ROBO1: variants seen among roughly 807,000 people sequenced by gnomAD.
ROBO1 encodes the protein roundabout homolog 1.
A neutral mutation model predicts 195.9 loss-of-function variants in ROBO1; 149 were observed. The ratio of observed to expected loss-of-function variants is 0.76; its 90% confidence interval spans 0.67 to 0.87. ROBO1 has a LOEUF of 0.87. ROBO1 is among the 40% of genes least tolerant of loss of function. ROBO1 has a pLI of 0.00. For missense variants in ROBO1, 1,933 were observed against 2,068.3 expected, an observed-to-expected ratio of 0.93 and a Z score of 1.27; for synonymous variants, 816 against 733.2, an observed-to-expected ratio of 1.11 and a Z score of -1.82.
chr3:79,120,783 T>C (rs2080102495), intron 3 of ROBO1, among the ~76,000 whole-genome samples: 1 of 152,112 alleles, frequency 6.6e-6, no homozygotes, highest in African/African-American at 2.4e-5. Flanking sequence ...AAAGGAAAGG[T>C]ACTTACAGTG....
intron 2 of ROBO1, among the ~76,000 whole-genome samples, chr3:79,190,826 C>G (rs1370996593): frequency 1.3e-5 from 2 of 151,526 alleles, no homozygotes; most frequent in Non-Finnish European, 3.0e-5. Flanking sequence ...TTCAATAATA[C>G]CATTGTTTCT....
At chr3:79,723,780 G>A (rs1052894198) in intron 1 of ROBO1, among the ~76,000 whole-genome samples, 1 of 141,646 alleles carries the variant, frequency 7.1e-6, no homozygotes, top group African/African-American at 2.6e-5. Flanking sequence ...AACTTAAAAA[G>A]TAATTTTAAG....
At chr3:79,203,543 A>C (rs759807290) in intron 2 of ROBO1, among the ~76,000 whole-genome samples, 2 of 152,170 alleles carry the variant, frequency 1.3e-5, no homozygotes, top group Non-Finnish European at 2.9e-5. Flanking sequence ...TCGGAAAGGG[A>C]TACTGAACTT....
At chr3:78,802,682 T>C (rs2084404624) in intron 4 of ROBO1, among the ~76,000 whole-genome samples, 1 of 151,494 alleles carries the variant, frequency 6.6e-6, no homozygotes, top group Non-Finnish European at 1.5e-5. Flanking sequence ...CTGGAGAGAA[T>C]GCTATAGAAG....
intron 2 of ROBO1, among the ~76,000 whole-genome samples, chr3:79,428,305 A>C (rs1350560539): frequency 6.6e-6 from 1 of 150,994 alleles, no homozygotes; most frequent in African/African-American, 2.5e-5. Context: ...AATATTAATA[A>C]AATGTATAAA....
intron 2 of ROBO1, among the ~76,000 whole-genome samples, chr3:79,416,378 A>G (rs1224151477): frequency 6.6e-6 from 1 of 151,426 alleles, no homozygotes; most frequent in Non-Finnish European, 1.5e-5. Context: ...CTGAGGCAAG[A>G]GGATAGCTTG....
chr3:78,874,490 T>C (rs2035724520), intron 4 of ROBO1, among the ~76,000 whole-genome samples: 1 of 151,880 alleles, frequency 6.6e-6, no homozygotes, highest in Non-Finnish European at 1.5e-5. Context: ...ACCGTAATAA[T>C]ACATATATTA....
At chr3:78,628,536 T>A (rs1249178504) in intron 25 of ROBO1, among the ~76,000 whole-genome samples, 1 of 152,210 alleles carries the variant, frequency 6.6e-6, no homozygotes, top group Non-Finnish European at 1.5e-5. Context: ...AGGGCGTATG[T>A]TTATCGATTA....
intron 3 of ROBO1, among the ~76,000 whole-genome samples, chr3:79,086,650 G>A (rs2079376457): frequency 6.6e-6 from 1 of 152,078 alleles, no homozygotes. Flanking sequence ...GAAATGCAGC[G>A]ATATTTTCCC....
At chr3:78,799,274 ATATTCAAGCT>A (rs1010552520) in intron 4 of ROBO1, among the ~76,000 whole-genome samples, 5 of 151,800 alleles carry the variant, frequency 3.3e-5, no homozygotes, top group African/African-American at 1.2e-4. Context: ...GCCTGCTTTT[ATATTCAAGCT>A]TATGTCCTAC....
At chr3:79,150,456 A>G (rs2080744887) in intron 2 of ROBO1, among the ~76,000 whole-genome samples, 1 of 151,740 alleles carries the variant, frequency 6.6e-6, no homozygotes, top group Non-Finnish European at 1.5e-5. Flanking sequence ...CATGTAATAA[A>G]TGCCATTGGA....
chr3:79,416,374 C>A (rs2038001006), intron 2 of ROBO1, among the ~76,000 whole-genome samples: 1 of 150,218 alleles, frequency 6.7e-6, no homozygotes, highest in Non-Finnish European at 1.5e-5. Flanking sequence ...GAGGCTGAGG[C>A]AAGAGGATAG....
chr3:79,716,686 G>T (rs532552222), intron 1 of ROBO1, among the ~76,000 whole-genome samples: 28 of 151,886 alleles, frequency 1.8e-4, no homozygotes, highest in Non-Finnish European at 4.0e-4. Flanking sequence ...AACTATGTTG[G>T]TCCTCAGCCA....
At chr3:78,877,455 T>C (rs192078706) in intron 4 of ROBO1, among the ~76,000 whole-genome samples, 79 of 151,510 alleles carry the variant, frequency 5.2e-4, no homozygotes, top group African/African-American at 1.8e-3. Context: ...ATAAATCTAA[T>C]TGAATGAAAA....
chr3:78,657,038 G>C, intron 18 of ROBO1, 60 bp downstream of exon 18: 1 of 1,469,924 alleles, frequency 6.8e-7, no homozygotes, highest in South Asian at 1.4e-5. Context: ...ATGCAAAAAA[G>C]CAAAGTGGGA....
chr3:78,712,243 T>A (rs890163186), intron 8 of ROBO1, among the ~76,000 whole-genome samples: 1 of 152,172 alleles, frequency 6.6e-6, no homozygotes, highest in Non-Finnish European at 1.5e-5. Context: ...AGAAAGATTA[T>A]GTTTGAGCTC....
At position 79,698,350 on chromosome 3, in the gene ROBO1, T is replaced by G. The variant is rs967415892; in HGVS notation, c.-51+69402A>C. On this transcript the variant is annotated intron_variant, in intron 1 of 30. Transcript: ENST00000464233. ...TCTCATGTGCTCATTCTACCTTTATTATTGGTTAAAAAACAATCACAGATA... is the reference window on the plus strand; with the variant it reads ...TCTCATGTGCTCATTCTACCTTTATGATTGGTTAAAAAACAATCACAGATA... 6.6e-5 allele frequency among the ~76,000 whole-genome samples: 10 copies of G among 151,584 alleles called. No homozygotes were observed. In the South Asian group the frequency reaches 8.3e-4, roughly 13 times the overall value.
intron 1 of ROBO1, among the ~76,000 whole-genome samples, chr3:79,609,575 A>G (rs1944592217): frequency 6.6e-6 from 1 of 152,096 alleles, no homozygotes; most frequent in South Asian, 2.1e-4. Flanking sequence ...AGCATTATTC[A>G]TAATATTCAA....
At chr3:79,023,399 G>A (rs147214878) in intron 3 of ROBO1, among the ~76,000 whole-genome samples, 7 of 152,258 alleles carry the variant, frequency 4.6e-5, no homozygotes, top group African/African-American at 9.6e-5. Context: ...CGAATAATCC[G>A]AATAAAAGGA....
Sources: allele counts gnomAD v4.1 joint callset (sites outside exome capture counted in the v4.1 genomes callset), GRCh38; gene constraint gnomAD v4.1.1; transcripts MANE v1.5; gene names NCBI Gene and HGNC (gene_info 2026-07-23, HGNC 2026-07-21).